COL4A6: variants seen among roughly 807,000 people sequenced by gnomAD.
COL4A6 encodes the protein collagen type IV alpha 6 chain.
Under a neutral mutation model 126.7 loss-of-function variants are expected in COL4A6, and 59 were observed. That is an observed-to-expected ratio of 0.47 (90% CI 0.38 to 0.58). The LOEUF (loss-of-function observed/expected upper bound fraction) is 0.58. Ranked by LOEUF, COL4A6 falls within the 20% of genes least tolerant of loss-of-function variation. The pLI is 0.00. For missense variants in COL4A6, 1,285 were observed against 1,337.3 expected, an observed-to-expected ratio of 0.96 and a Z score of 0.61; for synonymous variants, 547 against 496.6, an observed-to-expected ratio of 1.10 and a Z score of -1.35.
chrX:108,255,393 G>A (rs774570218), intron 3 of COL4A6, among the ~76,000 whole-genome samples: 1 of 109,900 alleles, frequency 9.1e-6, no homozygotes, highest in Non-Finnish European at 1.9e-5. Context: ...TTTCTCAAAG[G>A]GAAGGTCAGG....
Position 108,192,830 on chromosome X carries a change from T to A in COL4A6, c.1073-250A>T, listed in dbSNP as rs145766313. Reference sequence around the variant, plus strand: ...GCCTTTCATGATAAGCTCTGGTAAGTACTTCTTCTTCTTCTACCACTAATC... The same window carrying A: ...GCCTTTCATGATAAGCTCTGGTAAGAACTTCTTCTTCTTCTACCACTAATC... On this transcript the variant is annotated intron_variant, in intron 17 of 44. Transcript: ENST00000334504. Among the ~76,000 whole-genome samples, 321 of 112,825 alleles carry A rather than the reference T, an allele frequency of 2.8e-3. 1 individual carries two copies. Among genetic ancestry groups the A allele is most frequent in the African/African-American group, 1.0e-2 (311 of 31,115 alleles).
Position 108,170,814 on chromosome X carries a change from A to G in COL4A6, c.3381T>C (p.Ala1127=), listed in dbSNP as rs761905420. The G allele has an allele frequency of 5.8e-6, 7 of 1,210,127 alleles. No homozygotes were observed. In the Admixed American group the frequency reaches 1.5e-4, roughly 26 times the overall value. ...GVSGDVGLPG[A]PGFPGVAGMR... is the part of the protein sequence containing the mutation. ...GGTTATCATGTGGCATGGTACCTGG[A>G]GCTCCAGGAAGGCCAACATCTCCAG... The change falls in exon 34 of 45, where the codon GCT becomes GCC. Residue 1127 remains alanine, a synonymous_variant. Transcript: ENST00000334504.
intron 9 of COL4A6, 115 bp from the exon 10 acceptor site, chrX:108,205,810 A>G (rs2035530470): frequency 3.4e-6 from 2 of 590,407 alleles, no homozygotes; most frequent in Non-Finnish European, 5.5e-6. Context: ...GCTTTGGCAT[A>G]GTAGATTCTA....
rs776378792 is a variant in COL4A6, at chrX:108,408,842, T to A, written c.63+29100A>T. The stretch of plus-strand genomic sequence containing the variant: ...CAGGTGTGGTGGCACATGCCTATAA[T>A]CCCGGCTACTCAGGAGGCTGAGGCA... On this transcript the variant is annotated intron_variant, in intron 2 of 44. Transcript: ENST00000334504. Among the ~76,000 whole-genome samples the A allele has an allele frequency of 2.7e-5, 3 of 110,907 alleles. No homozygotes were observed. In the South Asian group the frequency reaches 1.2e-3, roughly 43 times the overall value.
chrX:108,206,342 A>T (rs1347255032), intron 9 of COL4A6, 176 bp downstream of exon 9: 1 of 563,927 alleles, frequency 1.8e-6, no homozygotes. Context: ...GACTCTGATA[A>T]ATAACTCCAA....
Position 108,162,878 on chromosome X carries a change from G to A in COL4A6, c.4216+14C>T. The stretch of plus-strand genomic sequence containing the variant: ...ACTCCCCAACAAATCTCCTTTTTCT[G>A]GCACCCTCCTCACCTTGTAGGCCTA... On this transcript the variant is annotated intron_variant, in intron 41 of 44. Transcript: ENST00000334504. 1 of 1,135,338 alleles carries A rather than the reference G, an allele frequency of 8.8e-7. No homozygotes were observed. The highest frequency in any genetic ancestry group is 1.2e-6 in the Non-Finnish European group (1 of 861,403). 93.6% of individuals were successfully genotyped at this position (1,135,338 alleles called of 1,213,427 possible). A position where few individuals can be genotyped will look rare whatever the true frequency, so the allele number is the denominator to read the frequency against.
At chrX:108,281,123 T>C (rs1238777016) in intron 3 of COL4A6, among the ~76,000 whole-genome samples, 2 of 95,401 alleles carry the variant, frequency 2.1e-5, no homozygotes, top group Non-Finnish European at 4.2e-5. Flanking sequence ...CTATTCAACA[T>C]AGTGTTGGAA....
chrX:108,182,818 T>A (rs1251129625), intron 23 of COL4A6, among the ~76,000 whole-genome samples: 1 of 112,583 alleles, frequency 8.9e-6, no homozygotes, highest in Non-Finnish European at 1.9e-5. Context: ...AATAAAAATA[T>A]CCCTGGGCTG....
intron 2 of COL4A6, among the ~76,000 whole-genome samples, chrX:108,340,972 A>G (rs1254279137): frequency 9.0e-5 from 10 of 110,724 alleles, no homozygotes. Context: ...GTGTTTGTGT[A>G]TTTAGAAAAG....
intron 2 of COL4A6, among the ~76,000 whole-genome samples, chrX:108,312,974 G>C (rs1171682195): frequency 8.9e-6 from 1 of 111,859 alleles, no homozygotes; most frequent in Non-Finnish European, 1.9e-5. Context: ...ATAAGAATCA[G>C]AAGCTAAGGT....
At chrX:108,197,137 C>T (rs1033498443) in intron 13 of COL4A6, among the ~76,000 whole-genome samples, 9 of 111,825 alleles carry the variant, frequency 8.0e-5, no homozygotes, top group Admixed American at 6.6e-4. Context: ...TATCTAGGCA[C>T]GGACTGAAAC....
intron 2 of COL4A6, among the ~76,000 whole-genome samples, chrX:108,366,456 A>C (rs1284102497): frequency 8.9e-6 from 1 of 112,144 alleles, no homozygotes; most frequent in Admixed American, 9.5e-5. Context: ...CTTTAACTGC[A>C]GCTCATTATC....
intron 2 of COL4A6, among the ~76,000 whole-genome samples, chrX:108,411,834 A>T (rs980534997): frequency 1.8e-5 from 2 of 111,510 alleles, no homozygotes; most frequent in African/African-American, 6.5e-5. Flanking sequence ...GAGGCATTTC[A>T]AGTGCATCTC....
intron 3 of COL4A6, chrX:108,268,712 T>C: frequency 7.4e-6 from 1 of 135,414 alleles, no homozygotes; most frequent in East Asian, 2.2e-4. Context: ...TCATCTCCTC[T>C]GACATGGTAG....
Position 108,259,892 on chromosome X carries a change from G to A in COL4A6, c.145-38518C>T, listed in dbSNP as rs745350776. 9.1e-5 allele frequency among the ~76,000 whole-genome samples: 10 copies of A among 110,430 alleles called. No individual in the cohort carries two copies. In the East Asian group the frequency reaches 2.6e-3, roughly 28 times the overall value. ...GAAGAGGTGAGAAATGACAATTTTC[G>A]TGCGATGGATTTACCATTCCAGATA... is the stretch of plus-strand genomic sequence containing the variant. On this transcript the variant is annotated intron_variant, in intron 3 of 44. Transcript: ENST00000334504.
At chrX:108,203,131 C>T in intron 12 of COL4A6, 150 bp from the exon 13 acceptor site, 1 of 479,407 alleles carries the variant, frequency 2.1e-6, no homozygotes, top group Non-Finnish European at 3.6e-6. Flanking sequence ...TCCCCAGGCT[C>T]CCTAACTAGC....
At chrX:108,386,043 T>A (rs918028621) in intron 2 of COL4A6, among the ~76,000 whole-genome samples, 1 of 111,809 alleles carries the variant, frequency 8.9e-6, no homozygotes, top group Non-Finnish European at 1.9e-5. Flanking sequence ...GCAAAGGACA[T>A]GAACTCATGC....
intron 2 of COL4A6, among the ~76,000 whole-genome samples, chrX:108,416,098 T>G (rs1380109630): frequency 8.9e-6 from 1 of 111,916 alleles, no homozygotes; most frequent in Non-Finnish European, 1.9e-5. Context: ...CCTCGCTGCT[T>G]CTTCTTACTC....
rs1398296895 is a variant in COL4A6 at position 108,246,336 on chromosome X, T to C, written c.145-24962A>G. Among the ~76,000 whole-genome samples, 3 of 112,059 alleles carry C rather than the reference T, an allele frequency of 2.7e-5. No individual in the cohort carries two copies. The East Asian group carries it at 8.5e-4, about 32-fold the overall frequency. Reference sequence around the variant, plus strand: ...GCAAGCAACAGAAGTCAACTCTGAATATATTAAGCCAAAAATGGATTTACT... The same window carrying C: ...GCAAGCAACAGAAGTCAACTCTGAACATATTAAGCCAAAAATGGATTTACT... On this transcript the variant is annotated intron_variant, in intron 3 of 44. Transcript: ENST00000334504.
Sources: allele counts gnomAD v4.1 joint callset (sites outside exome capture counted in the v4.1 genomes callset), GRCh38; gene constraint gnomAD v4.1.1; transcripts MANE v1.5; gene names NCBI Gene and HGNC (gene_info 2026-07-23, HGNC 2026-07-21).